Variants in DENND1A observed in about 807,000 individuals in gnomAD.
The protein encoded by DENND1A is DENN domain containing 1A.
In DENND1A, 51 loss-of-function variants were observed where a neutral mutation model predicts 113.7. The observed-to-expected ratio is 0.45, with a 90% CI of 0.36 to 0.57. DENND1A has a LOEUF of 0.57. Among genes scored for constraint, DENND1A ranks in the 20% least tolerant of loss-of-function variants. DENND1A has a pLI of 0.00. For missense variants in DENND1A, 1,258 were observed against 1,395.9 expected, an observed-to-expected ratio of 0.90 and a Z score of 1.57; for synonymous variants, 565 against 570.8, an observed-to-expected ratio of 0.99 and a Z score of 0.14.
chr9:123,575,524 C>T (rs1392211657), intron 12 of DENND1A, among the ~76,000 whole-genome samples: 1 of 152,162 alleles, frequency 6.6e-6, no homozygotes, highest in African/African-American at 2.4e-5. Flanking sequence ...GTGAAATATC[C>T]TCATTACATC....
At chr9:123,877,121 A>T (rs1588046264) in intron 2 of DENND1A, among the ~76,000 whole-genome samples, 1 of 152,202 alleles carries the variant, frequency 6.6e-6, no homozygotes, top group Non-Finnish European at 1.5e-5. Flanking sequence ...GTACACTAAA[A>T]GCCCAGACTT....
At chr9:123,402,424 A>AT (rs199742716) in intron 21 of DENND1A, 9,259 of 492,918 alleles carry the variant, frequency 0.019, 117 homozygotes, top group Middle Eastern at 0.034. Context: ...GCTCGAAATC[A>AT]TTTTTTTTCC....
chr9:123,797,702 A>G (rs1251728726), intron 2 of DENND1A, among the ~76,000 whole-genome samples: 1 of 152,136 alleles, frequency 6.6e-6, no homozygotes, highest in East Asian at 1.9e-4. Flanking sequence ...AGTAAATTAT[A>G]TTGTTCGATT....
intron 18 of DENND1A, among the ~76,000 whole-genome samples, chr9:123,442,401 T>C (rs1161094743): frequency 6.6e-6 from 1 of 152,022 alleles, no homozygotes; most frequent in Non-Finnish European, 1.5e-5. Flanking sequence ...TGTCCAAAGG[T>C]GCTCAGGTCA....
At position 123,881,904 on chromosome 9, in the gene DENND1A, A is replaced by G. The variant is rs1848365321; in HGVS notation, c.18-2883T>C. On this transcript the variant is annotated intron_variant, in intron 1 of 23. Coordinates refer to ENST00000394215, the MANE Select transcript of DENND1A (RefSeq NM_001352964.2). ...TTTAAATGCTCAATTCTCAGTGCTCATCTTACTCGGCCTGTCAATAGCATT... is the reference window on the plus strand; with the variant it reads ...TTTAAATGCTCAATTCTCAGTGCTCGTCTTACTCGGCCTGTCAATAGCATT... Among the ~76,000 whole-genome samples the G allele has an allele frequency of 3.9e-5, 6 of 152,156 alleles. No individual in the cohort carries two copies. In the South Asian group the frequency reaches 1.2e-3, roughly 32 times the overall value.
chr9:123,527,196 A>G (rs1056213193), intron 13 of DENND1A, among the ~76,000 whole-genome samples: 1 of 152,086 alleles, frequency 6.6e-6, no homozygotes, highest in Non-Finnish European at 1.5e-5. Context: ...TCACTTCCCC[A>G]GTCCAGGCCA....
intron 22 of DENND1A, among the ~76,000 whole-genome samples, chr9:123,385,266 G>T (rs1319713789): frequency 6.6e-6 from 1 of 152,030 alleles, no homozygotes; most frequent in Non-Finnish European, 1.5e-5. Flanking sequence ...CCAGGTTCAA[G>T]CAATTCTCTT....
Position 123,885,736 on chromosome 9 carries a change from A to G in DENND1A, c.18-6715T>C, listed in dbSNP as rs113712056. On this transcript the variant is annotated intron_variant, in intron 1 of 23. Coordinates refer to ENST00000394215, the MANE Select transcript of DENND1A (RefSeq NM_001352964.2). ...TATTCAAGATCTCTCTGCTGAACAC[A>G]GTTCTCAGTGCACCGGAAGGGTCAT... Among the ~76,000 whole-genome samples the G allele has an allele frequency of 3.8e-3, 574 of 152,330 alleles. 5 individuals carry two copies. Among genetic ancestry groups the G allele is most frequent in the Middle Eastern group, 3.4e-3 (1 of 294 alleles).
intron 2 of DENND1A, chr9:123,843,719 A>G (rs1285789577): frequency 6.3e-6 from 1 of 157,832 alleles, no homozygotes; most frequent in African/African-American, 2.4e-5. Flanking sequence ...TCCTTTGCAT[A>G]TATTCCATAG....
At chr9:123,515,810 G>C (rs1403985272) in intron 13 of DENND1A, among the ~76,000 whole-genome samples, 2 of 152,138 alleles carry the variant, frequency 1.3e-5, no homozygotes, top group South Asian at 2.1e-4. Flanking sequence ...GCTGAGGTGG[G>C]CGGATCCCTT....
At chr9:123,712,157 T>C (rs1318759052) in intron 5 of DENND1A, among the ~76,000 whole-genome samples, 2 of 152,252 alleles carry the variant, frequency 1.3e-5, no homozygotes, top group Non-Finnish European at 2.9e-5. Context: ...TTCAACACTG[T>C]CCAGCCTTTT....
chr9:123,606,280 T>C (rs1427544627), intron 11 of DENND1A, among the ~76,000 whole-genome samples: 11 of 152,214 alleles, frequency 7.2e-5, no homozygotes, highest in Non-Finnish European at 2.9e-5. Context: ...GTGTCTTGGC[T>C]GGTTTCAAGA....
intron 13 of DENND1A, among the ~76,000 whole-genome samples, chr9:123,478,724 T>C (rs1218721406): frequency 6.6e-6 from 1 of 152,206 alleles, no homozygotes; most frequent in Admixed American, 6.5e-5. Context: ...ACAACCTAGA[T>C]GGTAGGTATG....
At chr9:123,860,611 C>G (rs1409523363) in intron 2 of DENND1A, among the ~76,000 whole-genome samples, 1 of 152,202 alleles carries the variant, frequency 6.6e-6, no homozygotes, top group African/African-American at 2.4e-5. Context: ...CTCTTCAAGC[C>G]CATGGAACAG....
At chr9:123,605,656 G>A (rs2060123205) in intron 11 of DENND1A, among the ~76,000 whole-genome samples, 1 of 152,242 alleles carries the variant, frequency 6.6e-6, no homozygotes, top group Admixed American at 6.5e-5. Context: ...TTGGGAGGAA[G>A]GCGGACTCTG....
In DENND1A at chr9:123,769,549, A is replaced by G. The variant is rs774598365; in HGVS notation, c.147T>C (p.Thr49=). The change falls in exon 4 of 24, where the codon ACT becomes ACC. Residue 49 remains threonine (T), a synonymous_variant. Transcript: ENST00000394215. ...AGAAGGGGAAACAAAACTTGGTCAA[A>G]GTCTGTAGAACTTCCTGTGGAGAGA... ...EDYSDQEVLQ[T]LTKFCFPFYV... 2 of 1,609,888 alleles carry G rather than the reference A, an allele frequency of 1.2e-6. No individual in the cohort carries two copies. The highest frequency in any genetic ancestry group is 1.7e-6 in the Non-Finnish European group (2 of 1,178,582).
At chr9:123,920,926 T>G (rs1196544408) in intron 1 of DENND1A, among the ~76,000 whole-genome samples, 1 of 152,164 alleles carries the variant, frequency 6.6e-6, no homozygotes. Context: ...ACGCTCATCT[T>G]ACCTGTCTTA....
chr9:123,920,828 C>T (rs1400909918), intron 1 of DENND1A, among the ~76,000 whole-genome samples: 8 of 152,002 alleles, frequency 5.3e-5, no homozygotes, highest in Admixed American at 3.9e-4. Context: ...CTGCTTCAGC[C>T]TCCCAAAGTG....
chr9:123,881,016 G>C (rs186606976), intron 1 of DENND1A, among the ~76,000 whole-genome samples: 1 of 152,056 alleles, frequency 6.6e-6, no homozygotes, highest in Non-Finnish European at 1.5e-5. Flanking sequence ...TACTTATTTC[G>C]GGGGTGTAAA....
Sources: gnomAD v4.1 joint callset for allele counts (sites outside exome capture counted in the v4.1 genomes callset) on GRCh38, gnomAD v4.1.1 for gene constraint, MANE v1.5 for transcripts, NCBI Gene and HGNC (gene_info 2026-07-23, HGNC 2026-07-21) for gene names.